The following SYN2 variants were observed in gnomAD, a reference collection of about 807,000 sequenced individuals.
The protein encoded by SYN2 is synapsin II.
Under a neutral mutation model 50.9 loss-of-function variants are expected in SYN2, and 19 were observed. The observed-to-expected ratio is 0.37, with a 90% CI of 0.26 to 0.55. SYN2 has a LOEUF of 0.55. Among genes scored for constraint, SYN2 ranks in the 20% least tolerant of loss-of-function variants. The pLI is 0.81. For missense variants in SYN2, 587 were observed against 576.4 expected (o/e 1.02, Z -0.19); for synonymous variants, 255 against 224.9 (o/e 1.13, Z -1.20).
At chr3:12,040,429 T>A (rs1177057268) in intron 1 of SYN2, among the ~76,000 whole-genome samples, 1 of 118,896 alleles carries the variant, frequency 8.4e-6, no homozygotes. Context: ...AAGTTCTGTT[T>A]CTTTTTTTTT....
chr3:12,167,099 A>G, intron 7 of SYN2, 135 bp from the exon 8 acceptor site: 2 of 841,508 alleles, frequency 2.4e-6, no homozygotes, highest in Non-Finnish European at 3.8e-6. Context: ...TAGGCTCAGC[A>G]GACAGACCCC....
rs1436255265 is a variant in SYN2, at chr3:12,056,599, T to C, written c.377+51671T>C. ...GCCTAAGGTATACTAGACTTTGTAC[T>C]AGAGCATTTCACACCTGTTATCTTG... On this transcript the variant is annotated intron_variant, in intron 1 of 12. Coordinates refer to ENST00000621198, the MANE Select transcript of SYN2 (RefSeq NM_133625.6). Among the ~76,000 whole-genome samples the C allele has an allele frequency of 2.6e-5, 4 of 152,226 alleles. No homozygotes were observed. The East Asian group carries it at 7.7e-4, about 29-fold the overall frequency.
chr3:12,067,967 A>C (rs1485503116), intron 1 of SYN2, among the ~76,000 whole-genome samples: 1 of 152,198 alleles, frequency 6.6e-6, no homozygotes, highest in Non-Finnish European at 1.5e-5. Context: ...CTGAAGTGGG[A>C]GGATCACCTG....
chr3:12,039,889 C>T (rs1443639059), intron 1 of SYN2, among the ~76,000 whole-genome samples: 2 of 152,076 alleles, frequency 1.3e-5, no homozygotes, highest in Non-Finnish European at 1.5e-5. Flanking sequence ...GACATGTTTC[C>T]TGCCTTTAAG....
At chr3:12,168,344 C>G (rs760530276) in intron 8 of SYN2, 32 bp from the exon 9 acceptor site, 3 of 1,590,926 alleles carry the variant, frequency 1.9e-6, no homozygotes, top group South Asian at 1.1e-5. Context: ...GCGAATTGCC[C>G]CAGCTTCAGG....
At chr3:12,088,549 A>T (rs1194083101) in intron 1 of SYN2, among the ~76,000 whole-genome samples, 1 of 152,212 alleles carries the variant, frequency 6.6e-6, no homozygotes, top group East Asian at 1.9e-4. Flanking sequence ...CTGGATATAT[A>T]TCCAAAGGAT....
chr3:12,174,699 C>T (rs1001750285), intron 10 of SYN2, among the ~76,000 whole-genome samples: 1 of 152,302 alleles, frequency 6.6e-6, no homozygotes, highest in South Asian at 2.1e-4. Context: ...CCAAGATGGT[C>T]TCGATCTCCT....
intron 1 of SYN2, among the ~76,000 whole-genome samples, chr3:12,053,752 C>A (rs1177362097): frequency 6.6e-6 from 1 of 151,696 alleles, no homozygotes; most frequent in Admixed American, 6.6e-5. Flanking sequence ...TTTTTGTAAA[C>A]CTCAATTAAA....
intron 1 of SYN2, among the ~76,000 whole-genome samples, chr3:12,120,523 G>A (rs1320062605): frequency 6.6e-6 from 1 of 152,186 alleles, no homozygotes; most frequent in Non-Finnish European, 1.5e-5. Flanking sequence ...ATTCAGGCAG[G>A]TCATGGTGGC....
chr3:12,102,641 T>C (rs1359127305), intron 1 of SYN2, among the ~76,000 whole-genome samples: 1 of 152,202 alleles, frequency 6.6e-6, no homozygotes, highest in Non-Finnish European at 1.5e-5. Flanking sequence ...TGTTTTGCTA[T>C]ATCTTAACGC....
chr3:12,006,412 A>C (rs532609905), intron 1 of SYN2, among the ~76,000 whole-genome samples: 141 of 152,358 alleles, frequency 9.3e-4, no homozygotes, highest in Non-Finnish European at 1.8e-3. Flanking sequence ...ACTCTGACTC[A>C]GTTCATATCA....
chr3:12,069,796 ATTTGT>A (rs1695304627), intron 1 of SYN2, among the ~76,000 whole-genome samples: 2 of 145,596 alleles, frequency 1.4e-5, no homozygotes, highest in Middle Eastern at 3.3e-3. Flanking sequence ...GGTTTTGTTT[ATTTGT>A]TTTGTTTTGG....
In SYN2 at chr3:12,121,076, A is replaced by G. The variant is rs556027495; in HGVS notation, c.378-19575A>G. On this transcript the variant is annotated intron_variant, in intron 1 of 12. Transcript: ENST00000621198. ...TCACTTTCATGCCTTTGCTTATGCT[A>G]TTTGCCCAGAATTCCCTCTCCTAAC... is the stretch of plus-strand genomic sequence containing the variant. 4.6e-5 allele frequency among the ~76,000 whole-genome samples: 7 copies of G among 152,218 alleles called. No individual in the cohort carries two copies. The South Asian group carries it at 1.5e-3, about 32-fold the overall frequency.
chr3:12,163,198 CGCCACT>C (rs1362680677), intron 7 of SYN2, among the ~76,000 whole-genome samples: 1 of 146,736 alleles, frequency 6.8e-6, no homozygotes, highest in East Asian at 2.0e-4. Context: ...GCCGAGATCG[CGCCACT>C]GCACTCCAGC....
chr3:12,127,410 G>C (rs160214), intron 1 of SYN2, among the ~76,000 whole-genome samples: 125,872 of 152,140 alleles, frequency 0.83, 52,545 homozygotes, highest in Middle Eastern at 0.93. Context: ...TCAACTTTCT[G>C]TCTTTAAGCC....
At chr3:12,038,010 A>G (rs1694535243) in intron 1 of SYN2, among the ~76,000 whole-genome samples, 1 of 152,002 alleles carries the variant, frequency 6.6e-6, no homozygotes, top group Non-Finnish European at 1.5e-5. Flanking sequence ...TTACACCTAT[A>G]TTTTCTTCTA....
At chr3:12,071,235 A>G in intron 1 of SYN2, 4 of 555,298 alleles carry the variant, frequency 7.2e-6, no homozygotes, top group South Asian at 5.9e-5. Context: ...TCGTGCCCCC[A>G]GAGCGCAAGT....
At chr3:12,091,081 A>C (rs1695815126) in intron 1 of SYN2, among the ~76,000 whole-genome samples, 1 of 152,120 alleles carries the variant, frequency 6.6e-6, no homozygotes, top group Non-Finnish European at 1.5e-5. Flanking sequence ...GGAGGGCTTA[A>C]GTCTAGAAGA....
chr3:12,019,287 C>T (rs1324600582), intron 1 of SYN2, among the ~76,000 whole-genome samples: 1 of 152,174 alleles, frequency 6.6e-6, no homozygotes, highest in Non-Finnish European at 1.5e-5. Context: ...GTTGGCATCC[C>T]TATTTCCTAG....
Sources: allele counts gnomAD v4.1 joint callset (sites outside exome capture counted in the v4.1 genomes callset), GRCh38; gene constraint gnomAD v4.1.1; transcripts MANE v1.5; gene names NCBI Gene and HGNC (gene_info 2026-07-23, HGNC 2026-07-21).